Variants in TNIK observed in about 807,000 individuals in gnomAD.
TNIK encodes the protein TRAF2 and NCK-interacting protein kinase.
A neutral mutation model predicts 191.3 loss-of-function variants in TNIK; 49 were observed. The observed-to-expected ratio is 0.26, with a 90% CI of 0.20 to 0.32. The LOEUF is 0.32. TNIK is among the 10% of genes least tolerant of loss of function. The pLI, the probability that TNIK is intolerant of heterozygous loss-of-function variation, is 1.00. For synonymous variants in TNIK, 594 were observed against 600.9 expected, an observed-to-expected ratio of 0.99 and a Z score of 0.17; for missense variants, 1,155 against 1,702.3, an observed-to-expected ratio of 0.68 and a Z score of 5.66.
At chr3:171,145,118 GCT>G (rs1431698736) in intron 12 of TNIK, among the ~76,000 whole-genome samples, 1 of 140,310 alleles carries the variant, frequency 7.1e-6, no homozygotes, top group African/African-American at 2.7e-5. Flanking sequence ...ATGGAGTCTT[GCT>G]CTGTCGCCCA....
At chr3:171,161,930 TATAATA>T (rs910872496) in intron 10 of TNIK, among the ~76,000 whole-genome samples, 6 of 151,734 alleles carry the variant, frequency 4.0e-5, no homozygotes, top group Non-Finnish European at 8.8e-5. Flanking sequence ...AAAATAATAA[TATAATA>T]ATAATAATAA....
At chr3:171,139,649 G>C (rs1730536642) in intron 13 of TNIK, 93 bp from the exon 14 acceptor site, 2 of 1,251,912 alleles carry the variant, frequency 1.6e-6, no homozygotes, top group Admixed American at 3.5e-5. Flanking sequence ...GCTAAGTAAA[G>C]TGTAGAAGGA....
chr3:171,434,809 G>A (rs1171260433), intron 1 of TNIK, among the ~76,000 whole-genome samples: 1 of 151,960 alleles, frequency 6.6e-6, no homozygotes, highest in African/African-American at 2.4e-5. Flanking sequence ...TTTATTCAAT[G>A]GCTAACATTT....
At chr3:171,165,405 GAACTC>G (rs965647058) in intron 10 of TNIK, among the ~76,000 whole-genome samples, 4 of 109,768 alleles carry the variant, frequency 3.6e-5, no homozygotes, top group African/African-American at 7.1e-5. Flanking sequence ...AACAAAGTTA[GAACTC>G]ATCTCAAAAA....
At chr3:171,457,241 C>G (rs1728893465) in intron 1 of TNIK, among the ~76,000 whole-genome samples, 1 of 152,166 alleles carries the variant, frequency 6.6e-6, no homozygotes, top group South Asian at 2.1e-4. Context: ...TTAAATTATG[C>G]ATTGTTGCTA....
At chr3:171,312,182 A>G (rs1267797995) in intron 2 of TNIK, among the ~76,000 whole-genome samples, 2 of 151,304 alleles carry the variant, frequency 1.3e-5, no homozygotes, top group Admixed American at 6.6e-5. Context: ...TATGTCCACA[A>G]ATGAATATAT....
At chr3:171,109,279 G>A (rs749322010) in intron 19 of TNIK, among the ~76,000 whole-genome samples, 2 of 152,248 alleles carry the variant, frequency 1.3e-5, no homozygotes, top group Non-Finnish European at 1.5e-5. Context: ...CTTCTACCTC[G>A]GCCTTCCGGG....
chr3:171,383,970 A>G (rs1336375795), intron 1 of TNIK, among the ~76,000 whole-genome samples: 1 of 152,202 alleles, frequency 6.6e-6, no homozygotes, highest in Admixed American at 6.5e-5. Flanking sequence ...TTAAAGCTAC[A>G]GCACACCTCT....
At chr3:171,453,237 A>G (rs78835709) in intron 1 of TNIK, among the ~76,000 whole-genome samples, 1,863 of 152,338 alleles carry the variant, frequency 0.012, 45 homozygotes, top group African/African-American at 0.042. Flanking sequence ...ATTGTCTAGT[A>G]GTGAATATAA....
intron 2 of TNIK, among the ~76,000 whole-genome samples, chr3:171,261,972 A>G (rs1225329768): frequency 6.6e-6 from 1 of 152,156 alleles, no homozygotes; most frequent in Non-Finnish European, 1.5e-5. Context: ...ATGAACAACT[A>G]GGATCAAATA....
intron 2 of TNIK, among the ~76,000 whole-genome samples, chr3:171,294,864 T>A (rs1015861810): frequency 2.0e-5 from 3 of 152,188 alleles, no homozygotes; most frequent in African/African-American, 7.2e-5. Flanking sequence ...AATTTCTTAC[T>A]CATGAAAATG....
Position 171,101,584 on chromosome 3 carries a change from G to T in TNIK, c.2456C>A (p.Thr819Lys), listed in dbSNP as rs749170308. Residue 819 changes from threonine (T) to lysine (K), a missense_variant, in exon 22 of 33, where the codon ACA (threonine) becomes AAA (lysine). By Grantham distance (78) the Thr-to-Lys change is moderately conservative. Coordinates refer to ENST00000436636, the MANE Select transcript of TNIK (RefSeq NM_015028.4). ...KELRELRIEETNRPMKKVTDY... is the reference protein window; with the variant it reads ...KELRELRIEEKNRPMKKVTDY... ...AGTCACCTTCTTCATTGGGCGGTTT[G>T]TTTCTTCAATCCGGAGTTCTCTTAG... 19 of 1,613,032 alleles carry T rather than the reference G, an allele frequency of 1.2e-5. No individual in the cohort carries two copies. The highest frequency in any genetic ancestry group is 1.6e-4 in the Middle Eastern group (1 of 6,070).
At chr3:171,350,690 T>C (rs897159973) in intron 2 of TNIK, among the ~76,000 whole-genome samples, 1 of 151,842 alleles carries the variant, frequency 6.6e-6, no homozygotes. Context: ...AAACTAACTT[T>C]TTTGAGTACT....
intron 4 of TNIK, among the ~76,000 whole-genome samples, chr3:171,200,139 G>T (rs1165634341): frequency 6.6e-6 from 1 of 152,180 alleles, no homozygotes; most frequent in African/African-American, 2.4e-5. Context: ...TGGAAGGCAG[G>T]GGTGATAGGG....
At chr3:171,336,593 TAC>T (rs1756973154) in intron 2 of TNIK, among the ~76,000 whole-genome samples, 1 of 152,162 alleles carries the variant, frequency 6.6e-6, no homozygotes. Context: ...CCTGATGACA[TAC>T]ATTTTATGGC....
intron 3 of TNIK, among the ~76,000 whole-genome samples, chr3:171,219,508 T>C (rs1329432674): frequency 6.6e-6 from 1 of 151,790 alleles, no homozygotes; most frequent in Admixed American, 6.6e-5. Flanking sequence ...TCCCTGGCCT[T>C]GAAAGCTTAT....
chr3:171,185,181 G>A (rs1376780175), intron 7 of TNIK, among the ~76,000 whole-genome samples: 1 of 68,978 alleles, frequency 1.4e-5, no homozygotes, highest in African/African-American at 9.7e-5. Context: ...GATTTCCCGT[G>A]TGTGTGTGTG....
rs189964661 is a variant in TNIK, at chr3:171,390,245, C to T, written c.58-20560G>A. On this transcript the variant is annotated intron_variant, in intron 1 of 32. Coordinates refer to ENST00000436636, the MANE Select transcript of TNIK (RefSeq NM_015028.4). ...ATGATCAGCCATATGGAAGAGATCC[C>T]GGGTAATTACTCTCGGTACTTTCGT... Among the ~76,000 whole-genome samples, 766 of 152,166 alleles carry T rather than the reference C, an allele frequency of 5.0e-3. 2 individuals are homozygous for T. Among genetic ancestry groups the T allele is most frequent in the Non-Finnish European group, 7.6e-3 (514 of 68,006 alleles).
chr3:171,133,115 A>C (rs7373295), intron 15 of TNIK, among the ~76,000 whole-genome samples: 18,754 of 152,206 alleles, frequency 0.12, 1,659 homozygotes, highest in African/African-American at 0.25. Flanking sequence ...CACCTCTGAG[A>C]ACGGGGGAGA....
Sources: allele counts gnomAD v4.1 joint callset (sites outside exome capture counted in the v4.1 genomes callset), GRCh38; gene constraint gnomAD v4.1.1; transcripts MANE v1.5; gene names NCBI Gene and HGNC (gene_info 2026-07-23, HGNC 2026-07-21).